TENM2: variants seen among roughly 807,000 people sequenced by gnomAD.
TENM2 encodes the protein teneurin transmembrane protein 2, also known as teneurin-2.
A neutral mutation model predicts 245.2 loss-of-function variants in TENM2; 52 were observed. The observed-to-expected ratio is 0.21, with a 90% CI of 0.17 to 0.27. The LOEUF (loss-of-function observed/expected upper bound fraction) is 0.27, where lower values mean the gene tolerates loss of function less well. Ranked by LOEUF, TENM2 falls within the 10% of genes least tolerant of loss-of-function variation. The pLI, the probability that TENM2 is intolerant of heterozygous loss-of-function variation, is 1.00. For synonymous variants in TENM2, 1,363 were observed against 1,438.9 expected (o/e 0.95, Z 1.19); for missense variants, 3,046 against 3,666.8 (o/e 0.83, Z 4.37).
chr5:168,200,174 C>A lies in TENM2; in HGVS notation c.3430+43C>A, dbSNP rs746538802. ...CCACTTATTGATCAATGGATTTAGT[C>A]ATGTGTTAATTCGACCCATATTTAT... On this transcript the variant is annotated intron_variant, in intron 17 of 28. Coordinates refer to ENST00000518659, the Ensembl canonical transcript of TENM2. 26 of 1,570,724 alleles carry A rather than the reference C, an allele frequency of 1.7e-5. No individual in the cohort carries two copies. The East Asian group carries it at 5.0e-4, about 30-fold the overall frequency.
chr5:167,716,947 T>G (rs1053178278), intron 2 of TENM2, among the ~76,000 whole-genome samples: 1 of 138,618 alleles, frequency 7.2e-6, no homozygotes, highest in South Asian at 2.4e-4. Flanking sequence ...TTTTATTCTA[T>G]TCTATTCTAT....
At chr5:167,416,677 CTGTTTT>C (rs61393561) in intron 2 of TENM2, among the ~76,000 whole-genome samples, 1,943 of 149,906 alleles carry the variant, frequency 0.013, 21 homozygotes, top group East Asian at 0.042. Flanking sequence ...TACTCTCTTG[CTGTTTT>C]TGTTTTTGTT....
intron 1 of TENM2, among the ~76,000 whole-genome samples, chr5:167,350,732 T>TATG (rs1561883617): frequency 1.1e-5 from 1 of 88,756 alleles, no homozygotes; most frequent in African/African-American, 4.0e-5. Flanking sequence ...TATATACATA[T>TATG]GGATATATAT....
the TENM2 span, among the ~76,000 whole-genome samples, chr5:167,215,009 A>T: frequency 6.6e-6 from 1 of 152,128 alleles, no homozygotes; most frequent in Non-Finnish European, 1.5e-5. Context: ...TTATTTATAT[A>T]GTTCTCTCTA....
chr5:167,284,951 A>G (rs1335570931), exon 1 of TENM2: 8 of 1,551,698 alleles, frequency 5.2e-6, no homozygotes, highest in Non-Finnish European at 7.0e-6. Context: ...CCACACAGAA[A>G]TCCTACAGCT....
At chr5:167,763,143 G>A (rs1762789363) in intron 2 of TENM2, among the ~76,000 whole-genome samples, 1 of 152,188 alleles carries the variant, frequency 6.6e-6, no homozygotes, top group Admixed American at 6.5e-5. Context: ...CTTGCTGAAG[G>A]CAGCTGGTGC....
At chr5:167,874,792 A>G (rs1476379793) in intron 2 of TENM2, among the ~76,000 whole-genome samples, 1 of 152,148 alleles carries the variant, frequency 6.6e-6, no homozygotes, top group Non-Finnish European at 1.5e-5. Flanking sequence ...GTGTGGGAGG[A>G]CAACTTCTTG....
intron 2 of TENM2, among the ~76,000 whole-genome samples, chr5:167,640,887 A>ATATC (rs1561629098): frequency 8.7e-5 from 6 of 68,948 alleles, no homozygotes; most frequent in African/African-American, 5.9e-4. Flanking sequence ...ATATATATAT[A>ATATC]TATATATATA....
intron 2 of TENM2, among the ~76,000 whole-genome samples, chr5:167,697,791 CT>C (rs1397137334): frequency 6.6e-6 from 1 of 152,184 alleles, no homozygotes; most frequent in Non-Finnish European, 1.5e-5. Context: ...TCCCAAAGTG[CT>C]TGGATTACAG....
the TENM2 span, among the ~76,000 whole-genome samples, chr5:167,138,100 C>A: frequency 3.9e-5 from 6 of 152,168 alleles, no homozygotes; most frequent in South Asian, 6.2e-4. Flanking sequence ...GGGAAGCAGC[C>A]GCTGAGGCTG....
chr5:167,594,027 T>G (rs1042686601), intron 2 of TENM2, among the ~76,000 whole-genome samples: 13 of 152,232 alleles, frequency 8.5e-5, no homozygotes, highest in Admixed American at 6.5e-4. Context: ...ATACTTAGAC[T>G]CTTTTCATGA....
At chr5:167,348,762 C>A (rs1758633045) in intron 1 of TENM2, among the ~76,000 whole-genome samples, 1 of 152,132 alleles carries the variant, frequency 6.6e-6, no homozygotes, top group African/African-American at 2.4e-5. Flanking sequence ...AGTATTTCAG[C>A]CACTAAAATT....
chr5:167,313,445 T>C (rs888944224), intron 1 of TENM2, among the ~76,000 whole-genome samples: 1 of 152,158 alleles, frequency 6.6e-6, no homozygotes, highest in African/African-American at 2.4e-5. Context: ...AAGACAAGCC[T>C]GACCAAATTT....
chr5:168,120,448 A>G (rs1562183657), intron 10 of TENM2, among the ~76,000 whole-genome samples: 1 of 152,236 alleles, frequency 6.6e-6, no homozygotes, highest in Non-Finnish European at 1.5e-5. Context: ...GACCTTTTGC[A>G]TGCATCATTT....
At chr5:167,050,873 G>A in the TENM2 span, among the ~76,000 whole-genome samples, 1 of 152,110 alleles carries the variant, frequency 6.6e-6, no homozygotes, top group African/African-American at 2.4e-5. Flanking sequence ...GCTTTCAATG[G>A]GATCCTGAAC....
intron 1 of TENM2, among the ~76,000 whole-genome samples, chr5:167,359,565 A>C (rs1187392740): frequency 6.6e-6 from 1 of 151,988 alleles, no homozygotes; most frequent in Non-Finnish European, 1.5e-5. Context: ...TACATACTTA[A>C]GTTTAATTAG....
chr5:167,478,525 G>A (rs1329868266), intron 2 of TENM2, among the ~76,000 whole-genome samples: 2 of 152,222 alleles, frequency 1.3e-5, no homozygotes, highest in East Asian at 1.9e-4. Flanking sequence ...CTGGAAATGG[G>A]TTTCCTATCA....
chr5:167,070,571 T>G, the TENM2 span, among the ~76,000 whole-genome samples: 1 of 152,124 alleles, frequency 6.6e-6, no homozygotes, highest in Non-Finnish European at 1.5e-5. Context: ...TGCCATTGTG[T>G]TAAGTGAATA....
At position 167,618,157 on chromosome 5, in the gene TENM2, G is replaced by A. The variant is rs139189130; in HGVS notation, c.502+242684G>A. On this transcript the variant is annotated intron_variant, in intron 2 of 28. Transcript: ENST00000518659. The stretch of plus-strand genomic sequence containing the variant: ...GTGATAATAATGGTTATCATTTATC[G>A]AGTGATTAGTATTCTAAGCACTTTG... 6.8e-4 allele frequency among the ~76,000 whole-genome samples: 104 copies of A among 152,150 alleles called. 1 individual carries two copies. Among genetic ancestry groups the A allele is most frequent in the African/African-American group, 2.4e-3 (98 of 41,520 alleles).
Sources: allele counts gnomAD v4.1 joint callset (sites outside exome capture counted in the v4.1 genomes callset), GRCh38; gene constraint gnomAD v4.1.1; transcripts MANE v1.5; gene names NCBI Gene and HGNC (gene_info 2026-07-23, HGNC 2026-07-21).